The following LRRTM4 variants were observed in gnomAD, a reference collection of about 807,000 sequenced individuals.
LRRTM4 encodes leucine-rich repeat transmembrane neuronal protein 4.
Under a neutral mutation model 47.6 loss-of-function variants are expected in LRRTM4, and 25 were observed. The ratio of observed to expected loss-of-function variants is 0.53; its 90% CI spans 0.38 to 0.73. LRRTM4 has a LOEUF of 0.73. LRRTM4 is among the 30% of genes least tolerant of loss of function. LRRTM4 has a pLI of 0.00. For missense variants in LRRTM4, 638 were observed against 713.4 expected, an observed-to-expected ratio of 0.89 and a Z score of 1.20; for synonymous variants, 311 against 269.5, an observed-to-expected ratio of 1.15 and a Z score of -1.51.
chr2:76,895,330 C>G (rs1469981758), intron 3 of LRRTM4, among the ~76,000 whole-genome samples: 1 of 152,000 alleles, frequency 6.6e-6, no homozygotes, highest in Non-Finnish European at 1.5e-5. Context: ...TTGCTGTACC[C>G]TTTATCCATG....
chr2:77,045,492 T>C (rs1478515865), intron 3 of LRRTM4, among the ~76,000 whole-genome samples: 1 of 151,936 alleles, frequency 6.6e-6, no homozygotes, highest in East Asian at 1.9e-4. Context: ...TTAGGCTGTG[T>C]CCCCACCCAA....
chr2:77,068,179 T>C (rs1680024390), intron 3 of LRRTM4, among the ~76,000 whole-genome samples: 1 of 152,168 alleles, frequency 6.6e-6, no homozygotes, highest in African/African-American at 2.4e-5. Flanking sequence ...AAATTTCAAA[T>C]TGTTTAAAAT....
intron 3 of LRRTM4, among the ~76,000 whole-genome samples, chr2:77,292,511 GCAGC>G: frequency 6.6e-6 from 1 of 152,086 alleles, no homozygotes; most frequent in African/African-American, 2.4e-5. Flanking sequence ...GGAATACTAT[GCAGC>G]CATAAAAAAT....
intron 3 of LRRTM4, among the ~76,000 whole-genome samples, chr2:77,028,871 T>C (rs903183720): frequency 6.6e-6 from 1 of 151,164 alleles, no homozygotes; most frequent in Non-Finnish European, 1.5e-5. Flanking sequence ...ACATCTCTAC[T>C]AAAAATACAA....
intron 3 of LRRTM4, among the ~76,000 whole-genome samples, chr2:76,780,238 C>A (rs981400693): frequency 3.3e-5 from 5 of 151,976 alleles, no homozygotes; most frequent in African/African-American, 7.2e-5. Flanking sequence ...CAATTATTGT[C>A]TTGGAGTTGC....
At chr2:77,249,347 T>A (rs1675539514) in intron 3 of LRRTM4, among the ~76,000 whole-genome samples, 1 of 151,826 alleles carries the variant, frequency 6.6e-6, no homozygotes. Flanking sequence ...CAAAACTCCA[T>A]CTCAAAAAAA....
intron 3 of LRRTM4, among the ~76,000 whole-genome samples, chr2:77,079,550 G>A (rs948037613): frequency 6.6e-6 from 1 of 152,080 alleles, no homozygotes; most frequent in African/African-American, 2.4e-5. Flanking sequence ...ATCAGCTATT[G>A]CTAGTGTTAG....
chr2:76,920,859 C>T (rs1674410398), intron 3 of LRRTM4, among the ~76,000 whole-genome samples: 1 of 151,950 alleles, frequency 6.6e-6, no homozygotes, highest in Non-Finnish European at 1.5e-5. Flanking sequence ...ACTATTTTTC[C>T]TAGCGTCTGT....
intron 3 of LRRTM4, among the ~76,000 whole-genome samples, chr2:77,408,760 C>G (rs561035232): frequency 6.6e-6 from 1 of 152,104 alleles, no homozygotes; most frequent in East Asian, 1.9e-4. Context: ...CCCCATTAGA[C>G]TAAATTTTAT....
chr2:76,938,291 A>G (rs893110292), intron 3 of LRRTM4, among the ~76,000 whole-genome samples: 2 of 152,180 alleles, frequency 1.3e-5, no homozygotes, highest in African/African-American at 4.8e-5. Context: ...CTGTCTGGCA[A>G]ACTGAAGCAT....
At chr2:77,279,484 A>G (rs537053611) in intron 3 of LRRTM4, among the ~76,000 whole-genome samples, 1 of 152,062 alleles carries the variant, frequency 6.6e-6, no homozygotes, top group East Asian at 1.9e-4. Context: ...GTGGTATTCA[A>G]AAGAGCATAT....
intron 3 of LRRTM4, among the ~76,000 whole-genome samples, chr2:76,789,108 GC>G (rs2103702995): frequency 6.6e-6 from 1 of 152,154 alleles, no homozygotes; most frequent in East Asian, 1.9e-4. Context: ...CTTTAGAGAT[GC>G]TAAGTTCCAG....
intron 3 of LRRTM4, among the ~76,000 whole-genome samples, chr2:77,387,572 T>C (rs1308791312): frequency 2.0e-5 from 3 of 152,006 alleles, no homozygotes; most frequent in Admixed American, 6.6e-5. Context: ...GATTCAGGGG[T>C]GGACAAGGGG....
At chr2:76,935,559 T>TC (rs947695126) in intron 3 of LRRTM4, among the ~76,000 whole-genome samples, 4 of 152,160 alleles carry the variant, frequency 2.6e-5, no homozygotes, top group African/African-American at 9.7e-5. Context: ...CTTGAAAAGG[T>TC]CCTTCACATC....
intron 3 of LRRTM4, among the ~76,000 whole-genome samples, chr2:77,159,687 G>A (rs1023611761): frequency 1.3e-5 from 2 of 151,962 alleles, no homozygotes; most frequent in African/African-American, 2.4e-5. Context: ...GCAGTCTCAG[G>A]GTGGGCAGAG....
chr2:77,113,786 G>C (rs10170754), intron 3 of LRRTM4, among the ~76,000 whole-genome samples: 93,897 of 151,778 alleles, frequency 0.62, 30,174 homozygotes, highest in African/African-American at 0.79. Context: ...CTGCAGAGGA[G>C]GGGGAAGGGC....
At chr2:77,259,096 A>T (rs1675846860) in intron 3 of LRRTM4, among the ~76,000 whole-genome samples, 1 of 143,158 alleles carries the variant, frequency 7.0e-6, no homozygotes, top group Non-Finnish European at 1.5e-5. Context: ...CAGAATGCTC[A>T]AACATAAATA....
intron 3 of LRRTM4, among the ~76,000 whole-genome samples, chr2:76,887,580 TACAA>T (rs948386780): frequency 1.8e-4 from 27 of 148,072 alleles, no homozygotes; most frequent in African/African-American, 5.9e-4. Flanking sequence ...TATGTATATA[TACAA>T]ACAGATATAA....
chr2:77,042,910 C>T (rs1679085731), intron 3 of LRRTM4, among the ~76,000 whole-genome samples: 2 of 151,546 alleles, frequency 1.3e-5, no homozygotes, highest in African/African-American at 2.4e-5. Context: ...TTTTCTGTGC[C>T]ACACAAAGGG....
Sources: allele counts gnomAD v4.1 joint callset (sites outside exome capture counted in the v4.1 genomes callset), GRCh38; gene constraint gnomAD v4.1.1; transcripts MANE v1.5; gene names NCBI Gene and HGNC (gene_info 2026-07-23, HGNC 2026-07-21).